Variants in INPP4B observed in about 807,000 individuals in gnomAD.
INPP4B encodes the protein inositol polyphosphate 4-phosphatase type II.
Under a neutral mutation model 122.5 loss-of-function variants are expected in INPP4B, and 55 were observed. The ratio of observed to expected loss-of-function variants is 0.45; its 90% confidence interval spans 0.36 to 0.56. The LOEUF (loss-of-function observed/expected upper bound fraction) is 0.56. INPP4B is among the 20% of genes least tolerant of loss of function. The pLI, the probability that INPP4B is intolerant of heterozygous loss-of-function variation, is 0.00. For missense variants in INPP4B, 1,000 were observed against 1,097.7 expected, an observed-to-expected ratio of 0.91 and a Z score of 1.26; for synonymous variants, 403 against 388.7, an observed-to-expected ratio of 1.04 and a Z score of -0.43.
chr4:142,550,777 CA>C (rs1727804153), intron 2 of INPP4B, among the ~76,000 whole-genome samples: 2 of 151,942 alleles, frequency 1.3e-5, no homozygotes, highest in East Asian at 3.9e-4. Flanking sequence ...CTTATTTCCA[CA>C]AAAGCCCAGT....
chr4:142,208,363 C>T (rs1843422278), intron 14 of INPP4B, 62 bp downstream of exon 14: 1 of 743,672 alleles, frequency 1.3e-6, no homozygotes. Flanking sequence ...AATAGTCAAG[C>T]TGTTTACAGA....
chr4:142,815,663 C>T (rs1780033815), intron 1 of INPP4B, among the ~76,000 whole-genome samples: 1 of 152,062 alleles, frequency 6.6e-6, no homozygotes, highest in South Asian at 2.1e-4. Context: ...CTTATGAAGA[C>T]AAATTATATA....
intron 5 of INPP4B, among the ~76,000 whole-genome samples, chr4:142,428,246 T>C (rs1212047324): frequency 1.3e-5 from 2 of 151,132 alleles, no homozygotes; most frequent in African/African-American, 2.4e-5. Flanking sequence ...ATAGAGTATA[T>C]ATATATATCT....
intron 2 of INPP4B, among the ~76,000 whole-genome samples, chr4:142,464,244 G>C (rs1383295238): frequency 6.6e-6 from 1 of 151,932 alleles, no homozygotes; most frequent in Non-Finnish European, 1.5e-5. Context: ...TTATTATCAG[G>C]AATAGTTTTC....
intron 5 of INPP4B, among the ~76,000 whole-genome samples, chr4:142,428,623 A>G (rs1269370726): frequency 1.3e-5 from 2 of 152,060 alleles, no homozygotes; most frequent in Non-Finnish European, 2.9e-5. Context: ...TCATCCTTGG[A>G]CAAAGTTACA....
chr4:142,161,989 CCTTCTTCCT>C (rs1820392024), intron 16 of INPP4B, among the ~76,000 whole-genome samples: 1 of 151,794 alleles, frequency 6.6e-6, no homozygotes, highest in African/African-American at 2.4e-5. Flanking sequence ...ATGTTTCTGT[CCTTCTTCCT>C]CTTCTTCCCT....
At chr4:142,278,304 CCCAACCTAGATT>C (rs1225350801) in intron 9 of INPP4B, among the ~76,000 whole-genome samples, 2 of 151,860 alleles carry the variant, frequency 1.3e-5, no homozygotes, top group Non-Finnish European at 2.9e-5. Context: ...TTTGGTTTCT[CCCAACCTAGATT>C]AGACACAGCT....
intron 7 of INPP4B, among the ~76,000 whole-genome samples, chr4:142,399,188 G>GTTTTT (rs1562013473): frequency 1.6e-5 from 1 of 63,986 alleles, no homozygotes; most frequent in Non-Finnish European, 3.2e-5. Context: ...ATTTCCTTTT[G>GTTTTT]CTTTTTTTTT....
chr4:142,082,081 C>T lies in INPP4B; in HGVS notation c.2592G>A (p.Glu864=), dbSNP rs1431561565. ...TLEQCSILRD[E]HQLHKDFFIR... is the part of the protein sequence containing the mutation. ...TAAAGAAGTCCTTGTGTAACTGGTG[C>T]TCATCTCTCAAGATTGAGCATTGTT... Residue 864 remains glutamate (E), a synonymous_variant, in exon 25 of 26, where the codon GAG becomes GAA. Transcript: ENST00000262992. 1.3e-6 allele frequency: 2 copies of T among 1,491,286 alleles called. No individual in the cohort carries two copies. The highest frequency in any genetic ancestry group is 4.6e-5 in the East Asian group (2 of 43,578). The allele number at this position is 1,491,286 out of a possible 1,614,324, so 92.4% of individuals were successfully genotyped here.
intron 1 of INPP4B, among the ~76,000 whole-genome samples, chr4:142,801,912 T>C (rs1215761296): frequency 2.6e-5 from 4 of 152,078 alleles, no homozygotes; most frequent in African/African-American, 9.7e-5. Flanking sequence ...AAATACTCCA[T>C]AGTTAAATAA....
intron 5 of INPP4B, among the ~76,000 whole-genome samples, chr4:142,407,892 T>C (rs1435184312): frequency 6.6e-6 from 1 of 151,980 alleles, no homozygotes; most frequent in Non-Finnish European, 1.5e-5. Flanking sequence ...GACTTTTCTA[T>C]GCAAAAAAAA....
chr4:142,497,425 C>A (rs1292122083), intron 2 of INPP4B, among the ~76,000 whole-genome samples: 1 of 152,100 alleles, frequency 6.6e-6, no homozygotes, highest in African/African-American at 2.4e-5. Flanking sequence ...AGAATCAAAG[C>A]TACATCTGTT....
At chr4:142,246,441 T>C (rs1306489482) in intron 11 of INPP4B, among the ~76,000 whole-genome samples, 2 of 152,150 alleles carry the variant, frequency 1.3e-5, no homozygotes, top group Non-Finnish European at 2.9e-5. Flanking sequence ...TAGAATGTTT[T>C]TCCATTTGTT....
intron 1 of INPP4B, among the ~76,000 whole-genome samples, chr4:142,771,800 T>C (rs1196939241): frequency 3.9e-5 from 6 of 152,160 alleles, no homozygotes; most frequent in Admixed American, 3.9e-4. Context: ...CAAGGATTAC[T>C]GAGTCAGTTT....
chr4:142,520,707 T>C (rs1825969216), intron 2 of INPP4B, among the ~76,000 whole-genome samples: 1 of 151,964 alleles, frequency 6.6e-6, no homozygotes, highest in Non-Finnish European at 1.5e-5. Context: ...TGAGAAATTA[T>C]TGATGATATA....
At position 142,260,462 on chromosome 4, in the gene INPP4B, A is replaced by C. The variant is rs751842397; in HGVS notation, c.688+30T>G. 4 of 1,306,864 alleles carry C rather than the reference A, an allele frequency of 3.1e-6. No homozygotes were observed. The African/African-American group carries it at 5.9e-5, about 19-fold the overall frequency. The allele number at this position is 1,306,864 out of a possible 1,614,324, so 81.0% of individuals were successfully genotyped here. ...TAAAATTAAAATTCATTTTTGCATG[A>C]AACTAAGTATTTAAAACTGAGTTAC... On this transcript the variant is annotated intron_variant, in intron 11 of 25. Coordinates refer to ENST00000262992, the MANE Select transcript of INPP4B (RefSeq NM_001101669.3).
intron 3 of INPP4B, among the ~76,000 whole-genome samples, chr4:142,441,658 G>A (rs1811747914): frequency 6.6e-6 from 1 of 151,956 alleles, no homozygotes; most frequent in Non-Finnish European, 1.5e-5. Context: ...TTAATCTTAA[G>A]GTGCAAAAAT....
intron 7 of INPP4B, among the ~76,000 whole-genome samples, chr4:142,367,309 G>A (rs1787921512): frequency 1.3e-5 from 2 of 151,752 alleles, no homozygotes; most frequent in Non-Finnish European, 2.9e-5. Flanking sequence ...AGATGATACA[G>A]TAAACTTTTT....
At chr4:142,379,583 C>G (rs184101403) in intron 7 of INPP4B, among the ~76,000 whole-genome samples, 2 of 152,266 alleles carry the variant, frequency 1.3e-5, no homozygotes, top group Admixed American at 6.5e-5. Flanking sequence ...CCAAGGAAAG[C>G]CTGTGTTTCT....
Sources: gnomAD v4.1 joint callset for allele counts (sites outside exome capture counted in the v4.1 genomes callset) on GRCh38, gnomAD v4.1.1 for gene constraint, MANE v1.5 for transcripts, NCBI Gene and HGNC (gene_info 2026-07-23, HGNC 2026-07-21) for gene names.